SLC18B1: variants seen among roughly 807,000 people sequenced by gnomAD.
The protein encoded by SLC18B1 is solute carrier family 18 member B1, also known as MFS-type transporter SLC18B1.
In SLC18B1, 62 loss-of-function variants were observed where a neutral mutation model predicts 53.9. The observed-to-expected ratio is 1.15, with a 90% CI of 0.94 to 1.42. The LOEUF (loss-of-function observed/expected upper bound fraction) is 1.42. SLC18B1 is among the 40% of genes most tolerant of loss of function. SLC18B1 has a pLI of 0.00. For synonymous variants in SLC18B1, 217 were observed against 200.9 expected (o/e 1.08, Z -0.68); for missense variants, 598 against 547.3 (o/e 1.09, Z -0.93).
At chr6:132,795,726 T>C (rs1454974892) in intron 2 of SLC18B1, among the ~76,000 whole-genome samples, 1 of 152,244 alleles carries the variant, frequency 6.6e-6, no homozygotes, top group East Asian at 1.9e-4. Flanking sequence ...TCATACTATA[T>C]CCTATTGACG....
chr6:132,781,251 A>G (rs1442369022), intron 6 of SLC18B1, among the ~76,000 whole-genome samples: 1 of 152,126 alleles, frequency 6.6e-6, no homozygotes, highest in African/African-American at 2.4e-5. Flanking sequence ...AAACATAATT[A>G]GTATAATTAA....
At chr6:132,779,174 C>T (rs1781167727) in intron 7 of SLC18B1, 94 bp downstream of exon 7, 4 of 1,443,702 alleles carry the variant, frequency 2.8e-6, no homozygotes, top group Non-Finnish European at 3.8e-6. Context: ...CTTCTCCCAG[C>T]CACGCAAGGG....
intron 2 of SLC18B1, among the ~76,000 whole-genome samples, chr6:132,793,766 G>A (rs1562272372): frequency 1.3e-5 from 2 of 152,274 alleles, no homozygotes; most frequent in African/African-American, 2.4e-5. Flanking sequence ...TGATGTGACC[G>A]TGCATGTACT....
At chr6:132,773,434 A>G (rs1781026689) in intron 9 of SLC18B1, among the ~76,000 whole-genome samples, 1 of 152,204 alleles carries the variant, frequency 6.6e-6, no homozygotes, top group Non-Finnish European at 1.5e-5. Context: ...TGTTCTTTCA[A>G]TCACTCGGCT....
rs139800951 is a variant in SLC18B1, at chr6:132,786,497, C to T, written c.501+937G>A. On this transcript the variant is annotated intron_variant, in intron 5 of 13. Transcript: ENST00000275227. ...CCGGGAGGCGGAGCTTGCAGTGAGC[C>T]GAGATCGCTCCACTGCACTCCAGCC... Among the ~76,000 whole-genome samples the T allele has an allele frequency of 4.9e-3, 729 of 148,662 alleles. 2 individuals carry two copies. Among genetic ancestry groups the T allele is most frequent in the Non-Finnish European group, 7.9e-3 (534 of 67,584 alleles).
chr6:132,780,193 C>T (rs1414977074), intron 6 of SLC18B1, among the ~76,000 whole-genome samples: 2 of 151,752 alleles, frequency 1.3e-5, no homozygotes, highest in Non-Finnish European at 2.9e-5. Flanking sequence ...CCAACTCCTG[C>T]GTGCTCAAGT....
At chr6:132,776,450 TA>T in intron 7 of SLC18B1, 21 bp from the exon 8 acceptor site, 1 of 1,559,846 alleles carries the variant, frequency 6.4e-7, no homozygotes, top group South Asian at 1.1e-5. Flanking sequence ...AATCCTATAT[TA>T]AAGTTACATA....
At chr6:132,796,354 CA>C (rs780737208) in intron 2 of SLC18B1, among the ~76,000 whole-genome samples, 1,096 of 44,700 alleles carry the variant, frequency 0.025, 6 homozygotes, top group East Asian at 0.1. Context: ...GACTCCATCT[CA>C]AAAAAAAAAA....
chr6:132,771,759 A>G (rs1780980043), intron 11 of SLC18B1, among the ~76,000 whole-genome samples: 1 of 152,228 alleles, frequency 6.6e-6, no homozygotes, highest in Non-Finnish European at 1.5e-5. Context: ...AACATCAAGC[A>G]GGGATAGTAT....
intron 2 of SLC18B1, among the ~76,000 whole-genome samples, chr6:132,791,839 G>C (rs1781530250): frequency 6.6e-6 from 1 of 152,148 alleles, no homozygotes; most frequent in Non-Finnish European, 1.5e-5. Flanking sequence ...TGGTTATGCT[G>C]TATGTCAACT....
chr6:132,793,888 T>C (rs1388060325), intron 2 of SLC18B1, among the ~76,000 whole-genome samples: 1 of 152,300 alleles, frequency 6.6e-6, no homozygotes, highest in East Asian at 1.9e-4. Context: ...ACTTTTTTCT[T>C]TGGTCATCAT....
At chr6:132,777,029 G>A (rs1489422637) in intron 7 of SLC18B1, among the ~76,000 whole-genome samples, 5 of 152,136 alleles carry the variant, frequency 3.3e-5, no homozygotes, top group Middle Eastern at 6.8e-3. Flanking sequence ...AGACAAGCCT[G>A]GCCAACATGA....
At position 132,798,464 on chromosome 6, in the gene SLC18B1, G is replaced by T; in HGVS notation, c.-8C>A. 1 of 1,514,060 alleles carries T rather than the reference G, an allele frequency of 6.6e-7. No individual in the cohort carries two copies. Among genetic ancestry groups the T allele is most frequent in the Admixed American group, 2.2e-5 (1 of 46,232 alleles). The allele number at this position is 1,514,060 out of a possible 1,614,324, so 93.8% of individuals were successfully genotyped here. A position where few individuals can be genotyped will look rare whatever the true frequency, so the allele number is the denominator to read the frequency against. Reference sequence around the variant, plus strand: ...GTCACCCAGCGCCTCCATCCCCGGTGCGTGGACTCCGGCGCCCCAGCTCCC... The same window carrying T: ...GTCACCCAGCGCCTCCATCCCCGGTTCGTGGACTCCGGCGCCCCAGCTCCC... On this transcript the variant is annotated 5_prime_UTR_variant, in exon 1 of 14. Transcript: ENST00000275227.
At chr6:132,780,664 C>T (rs1398866809) in intron 6 of SLC18B1, among the ~76,000 whole-genome samples, 1 of 144,540 alleles carries the variant, frequency 6.9e-6, no homozygotes, top group Admixed American at 7.2e-5. Flanking sequence ...TGGGCTCAAG[C>T]GATTCTCCTG....
intron 2 of SLC18B1, among the ~76,000 whole-genome samples, chr6:132,792,417 TCATTAGTCAAGTTG>T: frequency 6.7e-6 from 1 of 149,630 alleles, no homozygotes; most frequent in Non-Finnish European, 1.5e-5. Context: ...GGAAGGACAT[TCATTAGTCAAGTTG>T]CATTATCAAT....
chr6:132,776,514 C>CTTT lies in SLC18B1; in HGVS notation c.796-86_796-85insAAA, dbSNP rs563377087. On this transcript the variant is annotated intron_variant, in intron 7 of 13. Coordinates refer to ENST00000275227, the MANE Select transcript of SLC18B1 (RefSeq NM_052831.3). ...TCTTTTCCCTCTACCATTTCTTTAGCTCTTATTACCATGAGTCTACTAATA... is the reference window on the plus strand; with the variant it reads ...TCTTTTCCCTCTACCATTTCTTTAGCTTTTCTTATTACCATGAGTCTACTAATA... 3.3e-3 allele frequency: 2,952 copies of CTTT among 899,188 alleles called. 16 individuals are homozygous for CTTT. The highest frequency in any genetic ancestry group is 9.8e-3 in the South Asian group (624 of 63,924). The allele number at this position is 899,188 out of a possible 1,614,324, so 55.7% of individuals were successfully genotyped here.
intron 2 of SLC18B1, 49 bp from the exon 3 acceptor site, chr6:132,790,321 A>G (rs1781491384): frequency 7.5e-7 from 1 of 1,340,044 alleles, no homozygotes; most frequent in East Asian, 2.6e-5. Context: ...AATTAGATCA[A>G]TATGAAAAAA....
rs1459667156 is a variant in SLC18B1 at position 132,790,238 on chromosome 6, C to T, written c.218G>A (p.Gly73Asp). Residue 73 changes from glycine (G) to aspartate (D), a missense_variant, in exon 3 of 14, where the codon GGT becomes GAT. Coordinates refer to ENST00000275227, the MANE Select transcript of SLC18B1 (RefSeq NM_052831.3). The stretch of plus-strand genomic sequence containing the variant: ...CAAAGCAAAACATCCAAAGATCATA[C>T]CGATAATTGTATTGCTGGCTCCCTT... ...EKKGASNTII[G>D]MIFGCFALFE... 6.4e-6 allele frequency: 10 copies of T among 1,574,728 alleles called. No individual in the cohort carries two copies. The highest frequency in any genetic ancestry group is 1.2e-5 in the South Asian group (1 of 85,534).
rs2114694427 is a variant in SLC18B1, at chr6:132,798,394, G to C, written c.43+20C>G. On this transcript the variant is annotated intron_variant, in intron 1 of 13. Transcript: ENST00000275227. ...GCCGCCGCTGGTCTCCGGGCTCCCG[G>C]CCACGCAATTCATGGTCACCTCCTG... The C allele has an allele frequency of 1.3e-6, 2 of 1,518,994 alleles. No individual in the cohort carries two copies. The highest frequency in any genetic ancestry group is 2.6e-5 in the East Asian group (1 of 38,476). 94.1% of individuals were successfully genotyped at this position (1,518,994 alleles called of 1,614,324 possible). A position where few individuals can be genotyped will look rare whatever the true frequency, so the allele number is the denominator to read the frequency against.
Sources: allele counts gnomAD v4.1 joint callset (sites outside exome capture counted in the v4.1 genomes callset), GRCh38; gene constraint gnomAD v4.1.1; transcripts MANE v1.5; gene names NCBI Gene and HGNC (gene_info 2026-07-23, HGNC 2026-07-21).